YPEL2: variants seen among roughly 807,000 people sequenced by gnomAD.
The protein encoded by YPEL2 is yippee like 2.
In YPEL2, 2 loss-of-function variants were observed where a neutral mutation model predicts 19.1. The ratio of observed to expected loss-of-function variants is 0.10; its 90% CI spans 0.04 to 0.33. The LOEUF is 0.33. Among genes scored for constraint, YPEL2 ranks in the 10% least tolerant of loss-of-function variants. YPEL2 has a pLI of 1.00. For synonymous variants in YPEL2, 52 were observed against 50.0 expected (o/e 1.04, Z -0.17); for missense variants, 66 against 140.7 (o/e 0.47, Z 2.68).
intron 2 of YPEL2, among the ~76,000 whole-genome samples, chr17:59,360,928 T>G (rs1377210703): frequency 3.3e-5 from 5 of 152,222 alleles, no homozygotes; most frequent in African/African-American, 7.2e-5. Flanking sequence ...GCCTCCCGGG[T>G]TCAAGCAATT....
chr17:59,390,169 T>G (rs2048000611), intron 4 of YPEL2, among the ~76,000 whole-genome samples: 1 of 151,826 alleles, frequency 6.6e-6, no homozygotes, highest in African/African-American at 2.4e-5. Context: ...CCTGGCTTAT[T>G]TTTTGTATTT....
At chr17:59,373,193 A>G (rs2047905067) in intron 2 of YPEL2, among the ~76,000 whole-genome samples, 1 of 152,204 alleles carries the variant, frequency 6.6e-6, no homozygotes, top group African/African-American at 2.4e-5. Flanking sequence ...TGTTGCAAAC[A>G]TCTCAGGGCC....
At chr17:59,380,345 C>G (rs967766202) in intron 2 of YPEL2, among the ~76,000 whole-genome samples, 1 of 144,184 alleles carries the variant, frequency 6.9e-6, no homozygotes, top group Non-Finnish European at 1.5e-5. Context: ...GGTGCTGTCT[C>G]GACAACCTGT....
intron 2 of YPEL2, among the ~76,000 whole-genome samples, chr17:59,370,204 AG>A (rs1267449699): frequency 6.6e-6 from 1 of 152,128 alleles, no homozygotes; most frequent in Non-Finnish European, 1.5e-5. Context: ...CTGGGACTAC[AG>A]GCGCCTGCCA....
chr17:59,337,585 C>T (rs925997225), intron 1 of YPEL2, among the ~76,000 whole-genome samples: 4 of 152,100 alleles, frequency 2.6e-5, no homozygotes, highest in Non-Finnish European at 5.9e-5. Context: ...AAATTTATAG[C>T]ATGATAAATG....
chr17:59,346,010 C>G (rs2047754103), intron 1 of YPEL2, among the ~76,000 whole-genome samples: 2 of 152,228 alleles, frequency 1.3e-5, no homozygotes, highest in African/African-American at 4.8e-5. Flanking sequence ...CTGCCCACCT[C>G]TCTCATTGGG....
intron 1 of YPEL2, among the ~76,000 whole-genome samples, chr17:59,352,374 A>T (rs1455922435): frequency 1.3e-5 from 2 of 152,102 alleles, no homozygotes; most frequent in African/African-American, 4.8e-5. Context: ...CTTGGGAGCC[A>T]CCTCACTTTC....
At chr17:59,349,272 G>A (rs933092419) in intron 1 of YPEL2, among the ~76,000 whole-genome samples, 12 of 150,914 alleles carry the variant, frequency 8.0e-5, no homozygotes, top group Admixed American at 1.3e-4. Flanking sequence ...AGACAGTGCA[G>A]ATGTTGATTT....
At chr17:59,348,425 G>A (rs1392018342) in intron 1 of YPEL2, among the ~76,000 whole-genome samples, 2 of 152,234 alleles carry the variant, frequency 1.3e-5, no homozygotes, top group African/African-American at 4.8e-5. Context: ...GCACTCAGAA[G>A]GTTCTGTTTT....
At chr17:59,390,150 G>A (rs909694690) in intron 4 of YPEL2, among the ~76,000 whole-genome samples, 3 of 152,046 alleles carry the variant, frequency 2.0e-5, no homozygotes, top group Admixed American at 1.3e-4. Context: ...ACAGGCACGC[G>A]TCACCATGCC....
In YPEL2 at chr17:59,357,575, G is replaced by A. The variant is rs1165444410; in HGVS notation, c.117+4049G>A. 6.6e-5 allele frequency among the ~76,000 whole-genome samples: 10 copies of A among 152,244 alleles called. No homozygotes were observed. The South Asian group carries it at 1.9e-3, about 28-fold the overall frequency. ...TGTTGTTTCTTCCCTAATGGTACAA[G>A]CCCTAGTATAAAAATATACTTTGCT... On this transcript the variant is annotated intron_variant, in intron 2 of 4. Coordinates refer to ENST00000312655, the MANE Select transcript of YPEL2 (RefSeq NM_001005404.4).
At chr17:59,364,565 T>C (rs2047858460) in intron 2 of YPEL2, among the ~76,000 whole-genome samples, 2 of 151,398 alleles carry the variant, frequency 1.3e-5, no homozygotes, top group Non-Finnish European at 2.9e-5. Context: ...CCCAACCACC[T>C]GGCTTATTCA....
chr17:59,339,851 C>A (rs543640984), intron 1 of YPEL2, among the ~76,000 whole-genome samples: 2 of 152,090 alleles, frequency 1.3e-5, no homozygotes, highest in Non-Finnish European at 2.9e-5. Flanking sequence ...CCCTCATAGA[C>A]GCATAACAGG....
At position 59,355,653 on chromosome 17, in the gene YPEL2, G is replaced by A. The variant is rs2047809219; in HGVS notation, c.117+2127G>A. Reference sequence around the variant, plus strand: ...ACATCCTTGGGCATGGCCTATATCTGCTTTACATCTCGGGGTCAGAACCTG... The same window carrying A: ...ACATCCTTGGGCATGGCCTATATCTACTTTACATCTCGGGGTCAGAACCTG... On this transcript the variant is annotated intron_variant, in intron 2 of 4. Transcript: ENST00000312655. 1.3e-5 allele frequency: 2 copies of A among 152,218 alleles called. 1 individual carries two copies. Among genetic ancestry groups the A allele is most frequent in the South Asian group, 4.1e-4 (2 of 4,820 alleles). 9.4% of individuals were successfully genotyped at this position (152,218 alleles called of 1,614,324 possible).
Position 59,401,435 on chromosome 17 carries a change from G to T in YPEL2, c.*4245G>T, listed in dbSNP as rs1016962567. Reference sequence around the variant, plus strand: ...GTTTTTGTATAACATTTCGGTGACAGTGGGAGTCGGTTCCCTTTCCCAACC... The same window carrying T: ...GTTTTTGTATAACATTTCGGTGACATTGGGAGTCGGTTCCCTTTCCCAACC... On this transcript the variant is annotated 3_prime_UTR_variant, in exon 5 of 5. Transcript: ENST00000312655. 6.6e-6 allele frequency: 1 copy of T among 152,634 alleles called. No homozygotes were observed. The highest frequency in any genetic ancestry group is 1.5e-5 in the Non-Finnish European group (1 of 68,044). The allele number at this position is 152,634 out of a possible 1,614,324, so 9.5% of individuals were successfully genotyped here. A position where few individuals can be genotyped will look rare whatever the true frequency, so the allele number is the denominator to read the frequency against.
intron 1 of YPEL2, among the ~76,000 whole-genome samples, chr17:59,345,889 T>C (rs886703582): frequency 6.6e-6 from 1 of 152,152 alleles, no homozygotes; most frequent in African/African-American, 2.4e-5. Flanking sequence ...TCTATTGTTA[T>C]CTCCTTTCAG....
chr17:59,385,125 A>G (rs900761709), intron 2 of YPEL2, among the ~76,000 whole-genome samples: 1 of 152,254 alleles, frequency 6.6e-6, no homozygotes, highest in African/African-American at 2.4e-5. Flanking sequence ...GAAATGAACT[A>G]TAATATCCAT....
chr17:59,349,233 C>G (rs1490048028), intron 1 of YPEL2, among the ~76,000 whole-genome samples: 3 of 148,804 alleles, frequency 2.0e-5, no homozygotes, highest in African/African-American at 7.4e-5. Context: ...CTCAAAGAAG[C>G]TTTTAAAATT....
chr17:59,334,180 C>T (rs1276857196), intron 1 of YPEL2, among the ~76,000 whole-genome samples: 1 of 152,048 alleles, frequency 6.6e-6, no homozygotes, highest in African/African-American at 2.4e-5. Context: ...GTGAGTAGTG[C>T]CGATGAGTTG....
Sources: gnomAD v4.1 joint callset for allele counts (sites outside exome capture counted in the v4.1 genomes callset) on GRCh38, gnomAD v4.1.1 for gene constraint, MANE v1.5 for transcripts, NCBI Gene and HGNC (gene_info 2026-07-23, HGNC 2026-07-21) for gene names.